LYSMD2: variants seen among roughly 807,000 people sequenced by gnomAD.
LYSMD2 encodes lysM and putative peptidoglycan-binding domain-containing protein 2.
A neutral mutation model predicts 17.7 loss-of-function variants in LYSMD2; 6 were observed. The ratio of observed to expected loss-of-function variants is 0.34; its 90% CI spans 0.19 to 0.67. The LOEUF is 0.67. LYSMD2 is among the 30% of genes least tolerant of loss of function. LYSMD2 has a pLI of 0.69. For missense variants in LYSMD2, 237 were observed against 286.7 expected, an observed-to-expected ratio of 0.83 and a Z score of 1.25; for synonymous variants, 102 against 129.8, an observed-to-expected ratio of 0.79 and a Z score of 1.45.
At chr15:51,735,716 T>C (rs142281147) in intron 1 of LYSMD2, among the ~76,000 whole-genome samples, 1 of 152,334 alleles carries the variant, frequency 6.6e-6, no homozygotes, top group Non-Finnish European at 1.5e-5. Flanking sequence ...TTAGAAAGCA[T>C]TTGATCAAAG....
At chr15:51,728,785 G>A (rs868653884) in intron 1 of LYSMD2, among the ~76,000 whole-genome samples, 1 of 151,792 alleles carries the variant, frequency 6.6e-6, no homozygotes, top group African/African-American at 2.4e-5. Flanking sequence ...CAGAAGAATC[G>A]CTTGAACCTG....
At chr15:51,748,987 T>C in intron 1 of LYSMD2, among the ~76,000 whole-genome samples, 1 of 152,262 alleles carries the variant, frequency 6.6e-6, no homozygotes, top group Non-Finnish European at 1.5e-5. Context: ...CTTTCTGCCA[T>C]TTGACAATTA....
upstream of LYSMD2, among the ~76,000 whole-genome samples, chr15:51,738,784 A>C (rs2055628741): frequency 6.6e-6 from 1 of 152,200 alleles, no homozygotes; most frequent in Non-Finnish European, 1.5e-5. Flanking sequence ...GAGAGGAGCA[A>C]GCTTCCACAA....
Position 51,723,463 on chromosome 15 carries a change from A to C in LYSMD2, c.*144T>G. The C allele has an allele frequency of 6.3e-5, 41 of 654,030 alleles. No individual in the cohort carries two copies. The highest frequency in any genetic ancestry group is 9.1e-5 in the East Asian group (3 of 33,118). 40.5% of individuals were successfully genotyped at this position (654,030 alleles called of 1,614,324 possible). On this transcript the variant is annotated 3_prime_UTR_variant, in exon 3 of 3. Coordinates refer to ENST00000267838, the MANE Select transcript of LYSMD2 (RefSeq NM_153374.3). ...AGAGGGAACTAATCACTTCAGTGCA[A>C]CTGCAGCAGGTAGAACTACCTAGTT...
intron 1 of LYSMD2, among the ~76,000 whole-genome samples, chr15:51,746,934 C>A (rs1415411171): frequency 6.7e-6 from 1 of 149,956 alleles, no homozygotes; most frequent in Admixed American, 6.7e-5. Context: ...AATCCCAACA[C>A]TTCGAGAAGC....
At chr15:51,724,602 G>GA (rs1197861488) in intron 2 of LYSMD2, among the ~76,000 whole-genome samples, 188 bp downstream of exon 2, 2 of 82,924 alleles carry the variant, frequency 2.4e-5, no homozygotes, top group East Asian at 6.6e-4. Context: ...AGCAAAAAAA[G>GA]AAAGAAAGAA....
At position 51,732,648 on chromosome 15, in the gene LYSMD2, C is replaced by G. The variant is rs528470170; in HGVS notation, c.273+4702G>C. ...TGGGTCCATCAGGTGTCAGGCCTAG[C>G]CAGCTTCTTGAAACTCCAGATTCTT... On this transcript the variant is annotated intron_variant, in intron 1 of 2. Transcript: ENST00000267838. Among the ~76,000 whole-genome samples, 3 of 152,340 alleles carry G rather than the reference C, an allele frequency of 2.0e-5. No individual in the cohort carries two copies. In the South Asian group the frequency reaches 6.2e-4, roughly 32 times the overall value.
At chr15:51,745,149 C>G (rs911696059) in intron 1 of LYSMD2, among the ~76,000 whole-genome samples, 2 of 152,032 alleles carry the variant, frequency 1.3e-5, no homozygotes, top group Non-Finnish European at 2.9e-5. Flanking sequence ...AAAGCCAAGA[C>G]CTAGATAGCT....
At position 51,725,121 on chromosome 15, in the gene LYSMD2, TC is replaced by T. The variant is rs1367994260; in HGVS notation, c.274-1del. 1 of 1,559,174 alleles carries T rather than the reference TC, an allele frequency of 6.4e-7. No homozygotes were observed. Among genetic ancestry groups the T allele is most frequent in the African/African-American group, 1.4e-5 (1 of 72,546 alleles). On this transcript the variant is annotated splice_acceptor_variant, in intron 1 of 2. Transcript: ENST00000267838. LOFTEE classifies it high-confidence loss of function. The stretch of plus-strand genomic sequence containing the variant: ...TTATTGGCCCTTTTAATCTGTTCCA[TC>T]TAAAATATAAAAAAGGAGACACAGA...
chr15:51,723,055 AAAG>A lies in LYSMD2; in HGVS notation c.*549_*551del, dbSNP rs1201130001. ...TTATTTTCTCATTTGTTAAAAAAAA[AAAG>A]GAGACTCAAGTTTGAAAACATAGTT... is the stretch of plus-strand genomic sequence containing the variant. On this transcript the variant is annotated 3_prime_UTR_variant, in exon 3 of 3. Transcript: ENST00000267838. 2 of 152,116 alleles carry A rather than the reference AAAG, an allele frequency of 1.3e-5. No individual in the cohort carries two copies. The highest frequency in any genetic ancestry group is 2.9e-5 in the Non-Finnish European group (2 of 68,002). The allele number at this position is 152,116 out of a possible 1,614,324, so 9.4% of individuals were successfully genotyped here.
chr15:51,727,476 T>G (rs993856848), intron 1 of LYSMD2, among the ~76,000 whole-genome samples: 1 of 152,246 alleles, frequency 6.6e-6, no homozygotes, highest in East Asian at 1.9e-4. Flanking sequence ...ACTTCCCTTG[T>G]TGGTTCCCTC....
At chr15:51,733,845 G>C (rs1386415686) in intron 1 of LYSMD2, among the ~76,000 whole-genome samples, 1 of 152,120 alleles carries the variant, frequency 6.6e-6, no homozygotes, top group Non-Finnish European at 1.5e-5. Flanking sequence ...GAACCCCAAG[G>C]AAGAACAGTG....
intron 1 of LYSMD2, among the ~76,000 whole-genome samples, chr15:51,733,506 G>A (rs2055589506): frequency 6.6e-6 from 1 of 151,822 alleles, no homozygotes; most frequent in South Asian, 2.1e-4. Flanking sequence ...GAGCGCTGGG[G>A]GACTAGGGAG....
chr15:51,751,341 A>G (rs1303910457), exon 1 of LYSMD2: 1 of 702,142 alleles, frequency 1.4e-6, no homozygotes, highest in African/African-American at 1.7e-5. Flanking sequence ...CAGGCTTGAA[A>G]GCCTTTGCCA....
intron 1 of LYSMD2, among the ~76,000 whole-genome samples, chr15:51,736,362 T>C (rs944652754): frequency 6.6e-6 from 1 of 152,200 alleles, no homozygotes; most frequent in Non-Finnish European, 1.5e-5. Flanking sequence ...ATAGAGTCAA[T>C]ACATGACTGC....
At chr15:51,740,949 GA>G (rs1327372333), upstream of LYSMD2, among the ~76,000 whole-genome samples, 1 of 152,140 alleles carries the variant, frequency 6.6e-6, no homozygotes, top group Non-Finnish European at 1.5e-5. Context: ...GCAAAATAAT[GA>G]AAATATCATT....
upstream of LYSMD2, among the ~76,000 whole-genome samples, chr15:51,740,744 G>A (rs2055638707): frequency 2.0e-5 from 3 of 150,860 alleles, no homozygotes; most frequent in South Asian, 6.3e-4. Context: ...AAATACCTAG[G>A]AATAAATTTA....
At chr15:51,747,204 CCAACAA>C (rs373911081) in intron 1 of LYSMD2, among the ~76,000 whole-genome samples, 3 of 139,290 alleles carry the variant, frequency 2.2e-5, no homozygotes, top group African/African-American at 8.1e-5. Flanking sequence ...TGTCTCAAAA[CCAACAA>C]CAACAACAAC....
rs750646699 is a variant in LYSMD2, at chr15:51,723,667, C to A, written c.606-18G>T. 4 of 1,577,968 alleles carry A rather than the reference C, an allele frequency of 2.5e-6. No individual in the cohort carries two copies. The highest frequency in any genetic ancestry group is 3.5e-6 in the Non-Finnish European group (4 of 1,158,488). ...CTTCATCTCTGAAAGAAAATAAATA[C>A]AGCATAAATCAGAGTTTAGAACTGT... On this transcript the variant is annotated intron_variant, in intron 2 of 2. Coordinates refer to ENST00000267838, the MANE Select transcript of LYSMD2 (RefSeq NM_153374.3).
Sources: gnomAD v4.1 joint callset for allele counts (sites outside exome capture counted in the v4.1 genomes callset) on GRCh38, gnomAD v4.1.1 for gene constraint, MANE v1.5 for transcripts, NCBI Gene and HGNC (gene_info 2026-07-23, HGNC 2026-07-21) for gene names.